Variants in ADGRV1 observed in about 807,000 individuals in gnomAD.
The protein encoded by ADGRV1 is adhesion G protein-coupled receptor V1.
Under a neutral mutation model 596.2 loss-of-function variants are expected in ADGRV1, and 359 were observed. The ratio of observed to expected loss-of-function variants is 0.60; its 90% CI spans 0.55 to 0.66. The LOEUF is 0.66. ADGRV1 is among the 30% of genes least tolerant of loss of function. The pLI, the probability that ADGRV1 is intolerant of heterozygous loss-of-function variation, is 0.00. For missense variants in ADGRV1, 7,274 were observed against 7,575.6 expected (o/e 0.96, Z 1.48); for synonymous variants, 2,681 against 2,679.2 (o/e 1.00, Z -0.02).
At chr5:90,571,160 G>A (rs574466309) in intron 1 of ADGRV1, among the ~76,000 whole-genome samples, 18 of 152,084 alleles carry the variant, frequency 1.2e-4, no homozygotes, top group Middle Eastern at 6.8e-3. Context: ...TGCAGTCTCT[G>A]CTTGGTTAGC....
intron 85 of ADGRV1, among the ~76,000 whole-genome samples, chr5:91,043,723 T>C (rs192688783): frequency 8.7e-4 from 132 of 152,184 alleles, no homozygotes; most frequent in Non-Finnish European, 2.6e-4. Flanking sequence ...AAAGGTTAGA[T>C]ATTTGTATAG....
chr5:90,918,391 C>T (rs1438187946), intron 83 of ADGRV1, among the ~76,000 whole-genome samples: 2 of 152,180 alleles, frequency 1.3e-5, no homozygotes, highest in Non-Finnish European at 2.9e-5. Context: ...TATTAAGAAT[C>T]ACATTATTAG....
chr5:90,856,089 A>C (rs1041182000), intron 82 of ADGRV1, among the ~76,000 whole-genome samples, 188 bp downstream of exon 82: 1 of 152,174 alleles, frequency 6.6e-6, no homozygotes, highest in African/African-American at 2.4e-5. Context: ...CCATCTCTGT[A>C]CTGAGGATAC....
At chr5:90,765,416 G>GA (rs912300065) in intron 59 of ADGRV1, among the ~76,000 whole-genome samples, 4 of 145,560 alleles carry the variant, frequency 2.7e-5, no homozygotes, top group Admixed American at 6.9e-5. Flanking sequence ...ATGATGGGGG[G>GA]AAAAATCACA....
rs116231939 is a variant in ADGRV1 at position 90,913,387 on chromosome 5, A to G, written c.17856+49530A>G. Among the ~76,000 whole-genome samples the G allele has an allele frequency of 4.5e-3, 689 of 152,314 alleles. 2 individuals are homozygous for G. The highest frequency in any genetic ancestry group is 0.015 in the African/African-American group (636 of 41,566). ...TTACTATAATTATCCTGTTATATCA[A>G]TATTTATCATTTTCTTAGTGGGAAG... On this transcript the variant is annotated intron_variant, in intron 83 of 89. Transcript: ENST00000405460.
chr5:90,817,816 G>A (rs1054366644), intron 75 of ADGRV1, among the ~76,000 whole-genome samples: 2 of 152,150 alleles, frequency 1.3e-5, no homozygotes, highest in Non-Finnish European at 1.5e-5. Context: ...GGTTACTGTA[G>A]CCTTGTAGTA....
chr5:90,675,590 C>T, intron 24 of ADGRV1, 145 bp downstream of exon 24: 1 of 781,264 alleles, frequency 1.3e-6, no homozygotes, highest in Non-Finnish European at 2.1e-6. Flanking sequence ...GAGAGGATTG[C>T]TTGAGGCCAC....
intron 83 of ADGRV1, among the ~76,000 whole-genome samples, chr5:90,928,841 C>T (rs1432455134): frequency 2.6e-4 from 39 of 150,358 alleles, no homozygotes; most frequent in African/African-American, 9.1e-4. Flanking sequence ...TGTTAGTTTT[C>T]CTTCTAACAG....
At chr5:91,131,577 A>G (rs962061898) in intron 87 of ADGRV1, among the ~76,000 whole-genome samples, 3 of 152,064 alleles carry the variant, frequency 2.0e-5, no homozygotes, top group African/African-American at 7.2e-5. Flanking sequence ...CAACCTTGCC[A>G]GTAGCTGGGA....
intron 48 of ADGRV1, 50 bp from the exon 49 acceptor site, chr5:90,728,619 G>A (rs1229166583): frequency 6.7e-7 from 1 of 1,488,604 alleles, no homozygotes. Flanking sequence ...ATTCTTGCAA[G>A]TGCTAAATTC....
rs139175388 is a variant in ADGRV1, at chr5:91,017,523, T to G, written c.18152+32001T>G. Among the ~76,000 whole-genome samples the G allele has an allele frequency of 1.4e-3, 212 of 152,034 alleles. 1 individual carries two copies. The highest frequency in any genetic ancestry group is 4.9e-3 in the African/African-American group (203 of 41,516). ...CCGTGGCATGAATACAGGGGGTGAT[T>G]GCAGGCAAAACAACCAGTCAGAGCA... On this transcript the variant is annotated intron_variant, in intron 85 of 89. Transcript: ENST00000405460.
At chr5:90,899,059 A>G (rs1018824933) in intron 83 of ADGRV1, 5 of 152,230 alleles carry the variant, frequency 3.3e-5, no homozygotes, top group African/African-American at 1.2e-4. Flanking sequence ...TAAAGATTAA[A>G]ACAGACTCTG....
Position 90,791,013 on chromosome 5 carries a change from A to G in ADGRV1, c.14184A>G (p.Glu4728=). The part of the protein sequence containing the change: ...LLPDEVPEIE[E]DYVIQLVSVE... ...CAGATGAGGTACCTGAGATAGAGGA[A>G]GATTATGTGATCCAGCTTGTTTCTG... The change falls in exon 70 of 90, where the codon GAA becomes GAG. Residue 4728 remains glutamate (E), a synonymous_variant. Coordinates refer to ENST00000405460, the MANE Select transcript of ADGRV1 (RefSeq NM_032119.4). 1.9e-6 allele frequency: 3 copies of G among 1,613,968 alleles called. No individual in the cohort carries two copies. Among genetic ancestry groups the G allele is most frequent in the Non-Finnish European group, 2.5e-6 (3 of 1,179,884 alleles).
At chr5:91,144,736 T>C (rs1795389104) in intron 87 of ADGRV1, among the ~76,000 whole-genome samples, 1 of 152,244 alleles carries the variant, frequency 6.6e-6, no homozygotes, top group Non-Finnish European at 1.5e-5. Context: ...GAAGAACAGA[T>C]GGATTATATA....
chr5:90,618,968 A>C (rs1023497184), intron 3 of ADGRV1, 118 bp from the exon 4 acceptor site: 2 of 461,000 alleles, frequency 4.3e-6, no homozygotes, highest in African/African-American at 4.1e-5. Flanking sequence ...CATTAAGATT[A>C]CATATGTATT....
chr5:90,646,946 G>A (rs1332430834), intron 16 of ADGRV1, among the ~76,000 whole-genome samples: 2 of 151,818 alleles, frequency 1.3e-5, no homozygotes, highest in Non-Finnish European at 2.9e-5. Context: ...GCTAATTTTT[G>A]TATTTTTAGT....
chr5:90,985,354 T>G lies in ADGRV1; in HGVS notation c.17984T>G (p.Phe5995Cys), dbSNP rs775837757. The change falls in exon 85 of 90, where the codon TTC becomes TGC. Residue 5995 changes from phenylalanine to cysteine, a missense_variant. By Grantham distance (205) the Phe-to-Cys change is radical. Coordinates refer to ENST00000405460, the MANE Select transcript of ADGRV1 (RefSeq NM_032119.4). Reference sequence around the variant, plus strand: ...TGTTTTCTTCCTTAGTCTGTGAATTTCTGGTACGTGCTGGTGATGAATGAT... The same window carrying G: ...TGTTTTCTTCCTTAGTCTGTGAATTGCTGGTACGTGCTGGTGATGAATGAT... Reference protein sequence around the residue: ...FSWMLIQSVNFWYVLVMNDEH... With the variant: ...FSWMLIQSVNCWYVLVMNDEH... The G allele has an allele frequency of 2.5e-6, 4 of 1,607,484 alleles. No individual in the cohort carries two copies. In the South Asian group the frequency reaches 4.5e-5, roughly 18 times the overall value.
rs1416485508 is a variant in ADGRV1 at position 90,644,722 on chromosome 5, A to G, written c.2751A>G (p.Val917=). ...DAIYSAVYDV[V]RNRGNFGDVS... is the part of the protein sequence containing the mutation. ...ATTTCACAGCTGTTTATGATGTAGT[A>G]AGAAATCGAGGCAACTTTGGTGATG... Residue 917 remains valine (V), a synonymous_variant, in exon 15 of 90, where the codon GTA becomes GTG. Coordinates refer to ENST00000405460, the MANE Select transcript of ADGRV1 (RefSeq NM_032119.4). 2 of 1,608,986 alleles carry G rather than the reference A, an allele frequency of 1.2e-6. No individual in the cohort carries two copies. Among genetic ancestry groups the G allele is most frequent in the South Asian group, 2.2e-5 (2 of 89,010 alleles).
chr5:90,740,193 C>T (rs1753786637), intron 50 of ADGRV1, among the ~76,000 whole-genome samples: 1 of 152,036 alleles, frequency 6.6e-6, no homozygotes, highest in Non-Finnish European at 1.5e-5. Context: ...GTCAGAGGGT[C>T]CCTTTGTGGA....
Sources: gnomAD v4.1 joint callset for allele counts (sites outside exome capture counted in the v4.1 genomes callset) on GRCh38, gnomAD v4.1.1 for gene constraint, MANE v1.5 for transcripts, NCBI Gene and HGNC (gene_info 2026-07-23, HGNC 2026-07-21) for gene names.